Variants in UVRAG observed in about 807,000 individuals in gnomAD.
The protein encoded by UVRAG is UV radiation resistance associated.
UVRAG carries 19 observed loss-of-function variants against 78.0 expected under a neutral mutation model. That is an observed-to-expected ratio of 0.24 (90% CI 0.17 to 0.36). UVRAG has a LOEUF of 0.36. Ranked by LOEUF, UVRAG falls within the 10% of genes least tolerant of loss-of-function variation. The pLI, the probability that UVRAG is intolerant of heterozygous loss-of-function variation, is 1.00. For missense variants in UVRAG, 740 were observed against 853.8 expected, an observed-to-expected ratio of 0.87 and a Z score of 1.66; for synonymous variants, 323 against 324.6, an observed-to-expected ratio of 1.00 and a Z score of 0.05.
At chr11:76,125,397 G>A (rs547353922) in intron 14 of UVRAG, among the ~76,000 whole-genome samples, 24 of 152,224 alleles carry the variant, frequency 1.6e-4, no homozygotes, top group Non-Finnish European at 3.2e-4. Flanking sequence ...ATGGGTATCT[G>A]TAGTATTTTA....
At chr11:76,046,542 A>C (rs1950760087) in intron 12 of UVRAG, among the ~76,000 whole-genome samples, 1 of 152,214 alleles carries the variant, frequency 6.6e-6, no homozygotes, top group Non-Finnish European at 1.5e-5. Flanking sequence ...AATATGATAC[A>C]TTATATGGCT....
At chr11:75,828,258 G>A (rs955275735) in intron 1 of UVRAG, among the ~76,000 whole-genome samples, 1 of 152,026 alleles carries the variant, frequency 6.6e-6, no homozygotes, top group African/African-American at 2.4e-5. Context: ...AAGAGTAGCT[G>A]CCCAGGTGCT....
At chr11:75,965,845 A>G (rs1277892025) in intron 7 of UVRAG, among the ~76,000 whole-genome samples, 1 of 152,118 alleles carries the variant, frequency 6.6e-6, no homozygotes, top group Non-Finnish European at 1.5e-5. Context: ...TTTTCTTTGT[A>G]AAGAATCATA....
At chr11:76,055,416 T>A (rs1382110312) in intron 12 of UVRAG, among the ~76,000 whole-genome samples, 1 of 152,256 alleles carries the variant, frequency 6.6e-6, no homozygotes, top group Non-Finnish European at 1.5e-5. Flanking sequence ...CCCAAGATTT[T>A]ATTATGAAAA....
intron 7 of UVRAG, among the ~76,000 whole-genome samples, chr11:75,963,739 C>T (rs1948955825): frequency 6.6e-6 from 1 of 152,036 alleles, no homozygotes; most frequent in Admixed American, 6.5e-5. Context: ...CACATTACAT[C>T]AATGCCTAAT....
At chr11:75,878,722 G>A (rs567746708) in intron 3 of UVRAG, among the ~76,000 whole-genome samples, 1 of 152,192 alleles carries the variant, frequency 6.6e-6, no homozygotes, top group Non-Finnish European at 1.5e-5. Context: ...CCAGTCAGGC[G>A]TGGCGGCGCG....
At chr11:76,078,580 A>G (rs936923839) in intron 13 of UVRAG, among the ~76,000 whole-genome samples, 5 of 151,872 alleles carry the variant, frequency 3.3e-5, no homozygotes, top group African/African-American at 1.2e-4. Context: ...AAATGATTTA[A>G]TGGAAAGAAC....
At chr11:76,070,778 T>C (rs1275049516) in intron 13 of UVRAG, among the ~76,000 whole-genome samples, 2 of 152,160 alleles carry the variant, frequency 1.3e-5, no homozygotes, top group African/African-American at 2.4e-5. Context: ...GTTCCATTTA[T>C]ATAAGTATCT....
chr11:76,010,479 AACTAT>A (rs1164340155), intron 11 of UVRAG, among the ~76,000 whole-genome samples: 8 of 152,208 alleles, frequency 5.3e-5, no homozygotes, highest in African/African-American at 1.9e-4. Context: ...AAAAGGAGCC[AACTAT>A]GCTACAGCTG....
chr11:76,129,121 A>G (rs1952469189), intron 14 of UVRAG, among the ~76,000 whole-genome samples: 1 of 152,212 alleles, frequency 6.6e-6, no homozygotes. Flanking sequence ...GAAATGAGGA[A>G]ACTGAGGAAC....
intron 12 of UVRAG, among the ~76,000 whole-genome samples, chr11:76,053,613 C>T (rs1950916608): frequency 6.6e-6 from 1 of 152,150 alleles, no homozygotes; most frequent in South Asian, 2.1e-4. Context: ...TCCTGTTCAC[C>T]TTTATTTACC....
chr11:75,819,293 A>G (rs973383948), intron 1 of UVRAG, among the ~76,000 whole-genome samples: 3 of 152,064 alleles, frequency 2.0e-5, no homozygotes, highest in Non-Finnish European at 4.4e-5. Context: ...ATGTGATCTT[A>G]CTTTACTGTA....
chr11:76,022,945 G>C (rs549029814), intron 12 of UVRAG, among the ~76,000 whole-genome samples: 1 of 151,188 alleles, frequency 6.6e-6, no homozygotes, highest in African/African-American at 2.4e-5. Flanking sequence ...ATTTTTTATG[G>C]TTATGATGGG....
intron 3 of UVRAG, among the ~76,000 whole-genome samples, chr11:75,873,490 T>C (rs1211642137): frequency 6.6e-6 from 1 of 152,106 alleles, no homozygotes; most frequent in Non-Finnish European, 1.5e-5. Context: ...TGGGAAGGCT[T>C]CTGAGGAAGA....
chr11:76,035,347 C>A (rs1282040002), intron 12 of UVRAG, among the ~76,000 whole-genome samples: 1 of 152,068 alleles, frequency 6.6e-6, no homozygotes, highest in Admixed American at 6.6e-5. Context: ...TGGTAAATAG[C>A]ATGTTATTTC....
Position 76,140,126 on chromosome 11 carries a change from T to C in UVRAG, c.1398-585T>C, listed in dbSNP as rs1348142619. Among the ~76,000 whole-genome samples the C allele has an allele frequency of 6.9e-3, 464 of 67,098 alleles. 7 individuals carry two copies. Among genetic ancestry groups the C allele is most frequent in the South Asian group, 0.017 (19 of 1,100 alleles). The allele number at this position is 67,098 out of a possible 152,430, so 44.0% of individuals were successfully genotyped here. On this transcript the variant is annotated intron_variant, in intron 14 of 14. Transcript: ENST00000356136. The stretch of plus-strand genomic sequence containing the variant: ...CTCCCTCCCTCCCTCTCTCTCTCTC[T>C]CTCTCTCTCTCTCTCTCTCTCTCCC...
Position 75,967,310 on chromosome 11 carries a change from C to T in UVRAG, c.699+5761C>T, listed in dbSNP as rs531185556. 7.4e-4 allele frequency among the ~76,000 whole-genome samples: 112 copies of T among 152,188 alleles called. 1 individual carries two copies. In the South Asian group the frequency reaches 9.1e-3, roughly 12 times the overall value. Reference sequence around the variant, plus strand: ...TTTGCTGTATCCTCCTGGCTAAATCCGGGTTCTAAGCCTGTTACTGCTAAG... The same window carrying T: ...TTTGCTGTATCCTCCTGGCTAAATCTGGGTTCTAAGCCTGTTACTGCTAAG... On this transcript the variant is annotated intron_variant, in intron 7 of 14. Coordinates refer to ENST00000356136, the MANE Select transcript of UVRAG (RefSeq NM_003369.4).
At chr11:75,851,183 T>C (rs943116941) in intron 1 of UVRAG, among the ~76,000 whole-genome samples, 2 of 152,246 alleles carry the variant, frequency 1.3e-5, no homozygotes, top group African/African-American at 4.8e-5. Flanking sequence ...TCCCTTAAGC[T>C]TATTTTGTAT....
intron 4 of UVRAG, among the ~76,000 whole-genome samples, chr11:75,882,506 C>T (rs1946973840): frequency 7.1e-6 from 1 of 139,876 alleles, no homozygotes; most frequent in African/African-American, 2.5e-5. Context: ...GAGTGAGACT[C>T]TATCTCAAAA....
Sources: gnomAD v4.1 joint callset for allele counts (sites outside exome capture counted in the v4.1 genomes callset) on GRCh38, gnomAD v4.1.1 for gene constraint, MANE v1.5 for transcripts, NCBI Gene and HGNC (gene_info 2026-07-23, HGNC 2026-07-21) for gene names.